The following PLEK variants were observed in gnomAD, a reference collection of about 807,000 sequenced individuals.
PLEK encodes the protein platelet 47 kDa protein.
PLEK carries 25 observed loss-of-function variants against 43.9 expected under a neutral mutation model. The observed-to-expected ratio is 0.57, with a 90% CI of 0.41 to 0.79. The LOEUF (loss-of-function observed/expected upper bound fraction) is 0.79, where lower values mean the gene tolerates loss of function less well. Among genes scored for constraint, PLEK ranks in the 30% least tolerant of loss-of-function variants. The pLI is 0.00. For synonymous variants in PLEK, 152 were observed against 144.4 expected, an observed-to-expected ratio of 1.05 and a Z score of -0.38; for missense variants, 396 against 413.3, an observed-to-expected ratio of 0.96 and a Z score of 0.36.
chr2:68,380,302 C>T (rs1673586996), intron 1 of PLEK, 26 bp from the exon 2 acceptor site: 1 of 1,591,152 alleles, frequency 6.3e-7, no homozygotes. Flanking sequence ...CCCTGTCCAT[C>T]TCAGCTCTTT....
In PLEK at chr2:68,382,610, A is replaced by C. The variant is rs570582739; in HGVS notation, c.449A>C (p.Lys150Thr). 3.1e-6 allele frequency: 5 copies of C among 1,602,316 alleles called. No individual in the cohort carries two copies. The South Asian group carries it at 5.5e-5, about 18-fold the overall frequency. ...GAACTGAATCTAGAGAAGGACAAGA[A>C]GATTTTTAATCACTGCTTCACAGGT... Reference protein sequence around the residue: ...IKELNLEKDKKIFNHCFTGNC... With the variant: ...IKELNLEKDKTIFNHCFTGNC... The change falls in exon 4 of 9, where the codon AAG becomes ACG. Residue 150 changes from lysine (K) to threonine (T), a missense_variant. By Grantham distance (78) the Lys-to-Thr change is moderately conservative. Transcript: ENST00000234313.
chr2:68,369,011 C>G (rs1673340140), intron 1 of PLEK, among the ~76,000 whole-genome samples: 1 of 152,164 alleles, frequency 6.6e-6, no homozygotes, highest in South Asian at 2.1e-4. Context: ...GAGTCAGGGT[C>G]CTGGCCCAGG....
chr2:68,380,949 A>T (rs1249473956), intron 3 of PLEK, 45 bp downstream of exon 3: 1 of 1,530,270 alleles, frequency 6.5e-7, no homozygotes, highest in Non-Finnish European at 9.0e-7. Flanking sequence ...CTTCTGAAAG[A>T]CACAAACATA....
At chr2:68,384,517 G>T (rs954785351) in intron 4 of PLEK, among the ~76,000 whole-genome samples, 1 of 152,112 alleles carries the variant, frequency 6.6e-6, no homozygotes, top group African/African-American at 2.4e-5. Context: ...ATTACAGGTG[G>T]GCTAGTACTT....
intron 1 of PLEK, among the ~76,000 whole-genome samples, chr2:68,367,543 G>C (rs1027939710): frequency 6.6e-6 from 1 of 152,182 alleles, no homozygotes; most frequent in African/African-American, 2.4e-5. Context: ...TCCTGAGAAG[G>C]TATTAAAGTT....
intron 4 of PLEK, among the ~76,000 whole-genome samples, chr2:68,383,323 C>A (rs144053961): frequency 1.3e-5 from 2 of 152,264 alleles, no homozygotes; most frequent in African/African-American, 4.8e-5. Flanking sequence ...TAAGTGGTCA[C>A]ATGTCTGTAC....
At chr2:68,376,231 T>C (rs576712437) in intron 1 of PLEK, among the ~76,000 whole-genome samples, 2 of 152,346 alleles carry the variant, frequency 1.3e-5, no homozygotes, top group East Asian at 3.9e-4. Context: ...AGATAGATTC[T>C]ACTTGCCATT....
intron 6 of PLEK, among the ~76,000 whole-genome samples, chr2:68,391,244 T>C (rs1673853451): frequency 6.8e-6 from 1 of 146,842 alleles, no homozygotes; most frequent in South Asian, 2.1e-4. Flanking sequence ...CAGTGAGGGC[T>C]TAAAGGGAAT....
chr2:68,390,502 A>G (rs1225596435), intron 6 of PLEK, among the ~76,000 whole-genome samples: 1 of 152,190 alleles, frequency 6.6e-6, no homozygotes, highest in Non-Finnish European at 1.5e-5. Context: ...GTTCTTTTAC[A>G]ATATTCTTTC....
chr2:68,392,863 CT>C (rs1216229260), intron 6 of PLEK, among the ~76,000 whole-genome samples: 1 of 141,794 alleles, frequency 7.1e-6, no homozygotes, highest in Non-Finnish European at 1.6e-5. Context: ...TTTATTCCCC[CT>C]ACATTACCTA....
intron 1 of PLEK, among the ~76,000 whole-genome samples, chr2:68,370,937 G>C (rs993167966): frequency 6.6e-6 from 1 of 152,170 alleles, no homozygotes; most frequent in Non-Finnish European, 1.5e-5. Flanking sequence ...TTAAGAAAAA[G>C]TAATTTCAAC....
intron 4 of PLEK, among the ~76,000 whole-genome samples, chr2:68,383,075 A>G (rs1482622251): frequency 6.6e-6 from 1 of 152,200 alleles, no homozygotes; most frequent in Non-Finnish European, 1.5e-5. Context: ...AGTATGGTGT[A>G]GTGGTTAAAA....
intron 8 of PLEK, 152 bp downstream of exon 8, chr2:68,394,328 T>G: frequency 1.5e-6 from 1 of 650,102 alleles, no homozygotes; most frequent in Non-Finnish European, 2.9e-6. Context: ...TCCCGGCACT[T>G]TGGGAGGCCG....
At chr2:68,390,057 G>A (rs1673829731) in intron 6 of PLEK, among the ~76,000 whole-genome samples, 1 of 151,900 alleles carries the variant, frequency 6.6e-6, no homozygotes, top group South Asian at 2.1e-4. Flanking sequence ...AGATAAAGTT[G>A]GGACTGGACT....
chr2:68,394,815 G>A (rs1673933487), intron 8 of PLEK, among the ~76,000 whole-genome samples: 1 of 152,202 alleles, frequency 6.6e-6, no homozygotes, highest in Admixed American at 6.5e-5. Context: ...CTCAGGTGCT[G>A]AGGACAAATT....
chr2:68,370,444 G>A (rs984672183), intron 1 of PLEK, among the ~76,000 whole-genome samples: 1 of 152,122 alleles, frequency 6.6e-6, no homozygotes, highest in African/African-American at 2.4e-5. Context: ...CTATTCGAGA[G>A]CAGAGATAGG....
chr2:68,388,275 G>A lies in PLEK; in HGVS notation c.658-112G>A, dbSNP rs554065086. The A allele has an allele frequency of 6.5e-5, 45 of 687,662 alleles. No homozygotes were observed. In the South Asian group the frequency reaches 7.1e-4, roughly 11 times the overall value. The allele number at this position is 687,662 out of a possible 1,614,324, so 42.6% of individuals were successfully genotyped here. ...AGATTGGGATGTACACAGGAATGGA[G>A]GAAAAAGGAGGAGGCTGCCCTCATG... On this transcript the variant is annotated intron_variant, in intron 5 of 8. Transcript: ENST00000234313.
At chr2:68,391,650 C>T (rs1431078148) in intron 6 of PLEK, among the ~76,000 whole-genome samples, 2 of 152,164 alleles carry the variant, frequency 1.3e-5, no homozygotes, top group Non-Finnish European at 2.9e-5. Flanking sequence ...CTTGAAGCAC[C>T]TCTGGATTTA....
At chr2:68,370,330 G>A (rs1307481785) in intron 1 of PLEK, among the ~76,000 whole-genome samples, 2 of 152,162 alleles carry the variant, frequency 1.3e-5, no homozygotes, top group African/African-American at 2.4e-5. Context: ...GCCATTGGTT[G>A]TAGCTTCTTT....
Sources: gnomAD v4.1 joint callset for allele counts (sites outside exome capture counted in the v4.1 genomes callset) on GRCh38, gnomAD v4.1.1 for gene constraint, MANE v1.5 for transcripts, NCBI Gene and HGNC (gene_info 2026-07-23, HGNC 2026-07-21) for gene names.